Variants in TMEM163 observed in about 807,000 individuals in gnomAD.
TMEM163 encodes the protein transmembrane protein 163.
A neutral mutation model predicts 29.3 loss-of-function variants in TMEM163; 17 were observed. That is an observed-to-expected ratio of 0.58 (90% CI 0.40 to 0.87). The LOEUF is 0.87. TMEM163 is among the 40% of genes least tolerant of loss of function. The pLI, the probability that TMEM163 is intolerant of heterozygous loss-of-function variation, is 0.00. For missense variants in TMEM163, 303 were observed against 381.5 expected, an observed-to-expected ratio of 0.79 and a Z score of 1.71; for synonymous variants, 157 against 160.6, an observed-to-expected ratio of 0.98 and a Z score of 0.17.
chr2:134,703,464 G>GA (rs1278457574), intron 2 of TMEM163, among the ~76,000 whole-genome samples: 6 of 151,760 alleles, frequency 4.0e-5, no homozygotes, highest in Non-Finnish European at 7.4e-5. Flanking sequence ...ATGAAATCCA[G>GA]AAAAAAAATT....
intron 2 of TMEM163, among the ~76,000 whole-genome samples, chr2:134,649,878 G>A (rs952094675): frequency 1.3e-5 from 2 of 151,692 alleles, no homozygotes; most frequent in African/African-American, 4.8e-5. Flanking sequence ...TGGTAGCACA[G>A]GCCTGTAGTC....
At position 134,460,338 on chromosome 2, in the gene TMEM163, T is replaced by TGTCCTCA. The variant is rs1686507328; in HGVS notation, c.668-2172_668-2166dup. On this transcript the variant is annotated intron_variant, in intron 6 of 7. Transcript: ENST00000281924. The surrounding 1 kb of genome is among the most constrained non-coding windows in gnomAD (Gnocchi z 4.3). ...TCACCCAGGGCCTCCCTCCCAGCCCTGTCCTCAGCCCTCAGCCCCTAAACT... is the reference window on the plus strand; with the variant it reads ...TCACCCAGGGCCTCCCTCCCAGCCCTGTCCTCAGTCCTCAGCCCTCAGCCCCTAAACT... Among the ~76,000 whole-genome samples the TGTCCTCA allele has an allele frequency of 6.6e-6, 1 of 151,578 alleles. No individual in the cohort carries two copies. Among genetic ancestry groups the TGTCCTCA allele is most frequent in the African/African-American group, 2.4e-5 (1 of 41,252 alleles).
rs544507219 is a variant in TMEM163, at chr2:134,583,389, G to A, written c.323-31298C>T. On this transcript the variant is annotated intron_variant, in intron 2 of 7. Transcript: ENST00000281924. ...TTCGCATCATTATTACCTTCTGGGC[G>A]CTTTGTATTTGTCACTTACAGTGAT... 8.5e-5 allele frequency among the ~76,000 whole-genome samples: 13 copies of A among 152,288 alleles called. 1 individual carries two copies. In the South Asian group the frequency reaches 2.1e-3, roughly 24 times the overall value.
intron 2 of TMEM163, among the ~76,000 whole-genome samples, chr2:134,558,833 G>A (rs112884948): frequency 2.6e-4 from 39 of 152,220 alleles, no homozygotes; most frequent in East Asian, 9.6e-4. Flanking sequence ...CCCAGGCCCC[G>A]TAACACCTCC....
At chr2:134,691,348 G>C (rs140146207) in intron 2 of TMEM163, among the ~76,000 whole-genome samples, 1 of 152,144 alleles carries the variant, frequency 6.6e-6, no homozygotes, top group East Asian at 1.9e-4. Flanking sequence ...TCTGCCTAGC[G>C]TAGGCACCAA....
chr2:134,561,257 G>A (rs1335005754), intron 2 of TMEM163, among the ~76,000 whole-genome samples: 2 of 152,218 alleles, frequency 1.3e-5, no homozygotes, highest in East Asian at 1.9e-4. Context: ...AGGCTGGAGC[G>A]CAGTGACGCC....
chr2:134,545,492 C>G (rs1390413116), intron 4 of TMEM163, among the ~76,000 whole-genome samples: 1 of 152,150 alleles, frequency 6.6e-6, no homozygotes, highest in Non-Finnish European at 1.5e-5. Context: ...CTTCCTCCCT[C>G]AACACTGCCA....
chr2:134,713,946 C>A (rs1684983944), intron 1 of TMEM163, among the ~76,000 whole-genome samples: 1 of 152,140 alleles, frequency 6.6e-6, no homozygotes, highest in African/African-American at 2.4e-5. Context: ...TATACACATC[C>A]TTTTTAGCAA....
intron 5 of TMEM163, among the ~76,000 whole-genome samples, chr2:134,484,136 C>T (rs1679263505): frequency 6.6e-6 from 1 of 152,058 alleles, no homozygotes; most frequent in Non-Finnish European, 1.5e-5. Context: ...GTAAGAATCC[C>T]TCTCAAAAGA....
intron 2 of TMEM163, among the ~76,000 whole-genome samples, chr2:134,700,940 A>AC (rs1274773428): frequency 0.05 from 7,310 of 147,244 alleles, 419 homozygotes; most frequent in East Asian, 0.15. Context: ...ATAAATAAAT[A>AC]AATAAATAAA....
intron 4 of TMEM163, among the ~76,000 whole-genome samples, chr2:134,528,745 T>C (rs1680348219): frequency 7.0e-6 from 1 of 142,310 alleles, no homozygotes; most frequent in Non-Finnish European, 1.6e-5. Context: ...TTTAGTAATA[T>C]GTCTCACACT....
At chr2:134,650,014 AAAAAAAAAAAAG>A (rs1436957254) in intron 2 of TMEM163, among the ~76,000 whole-genome samples, 19 of 150,426 alleles carry the variant, frequency 1.3e-4, no homozygotes, top group Non-Finnish European at 3.0e-5. Flanking sequence ...TAAAAAAAAA[AAAAAAAAAAAAG>A]AATGATGTAG....
intron 2 of TMEM163, among the ~76,000 whole-genome samples, chr2:134,705,188 C>T (rs1040908796): frequency 3.3e-5 from 5 of 149,262 alleles, no homozygotes; most frequent in African/African-American, 9.9e-5. Context: ...CCAGCCTGGG[C>T]GACAGAGCAA....
At chr2:134,706,608 G>A (rs1684817777) in intron 2 of TMEM163, among the ~76,000 whole-genome samples, 1 of 152,176 alleles carries the variant, frequency 6.6e-6, no homozygotes, top group Non-Finnish European at 1.5e-5. Context: ...GATCTTGAGG[G>A]ATAAGTAAAA....
At chr2:134,560,875 C>T (rs977918713) in intron 2 of TMEM163, among the ~76,000 whole-genome samples, 1 of 152,166 alleles carries the variant, frequency 6.6e-6, no homozygotes, top group Admixed American at 6.5e-5. Flanking sequence ...GGATGCCTGC[C>T]ACTCAACAGG....
chr2:134,542,940 G>C (rs1030587156), intron 4 of TMEM163, among the ~76,000 whole-genome samples: 4 of 152,152 alleles, frequency 2.6e-5, no homozygotes, highest in African/African-American at 9.7e-5. Context: ...GTCTGATTGT[G>C]TCTCTGCTTT....
At chr2:134,473,940 T>C (rs1033840679) in intron 5 of TMEM163, among the ~76,000 whole-genome samples, 2 of 152,102 alleles carry the variant, frequency 1.3e-5, no homozygotes, top group Admixed American at 6.6e-5. Flanking sequence ...TTTAATCATT[T>C]AAAGGAGAAA....
At chr2:134,684,922 C>CAAAAAA (rs56956631) in intron 2 of TMEM163, among the ~76,000 whole-genome samples, 1 of 74,804 alleles carries the variant, frequency 1.3e-5, no homozygotes, top group African/African-American at 3.7e-5. Context: ...GACCCTGTCT[C>CAAAAAA]AAAAAAAAAA....
chr2:134,599,029 A>T (rs934241891), intron 2 of TMEM163, among the ~76,000 whole-genome samples: 17 of 151,410 alleles, frequency 1.1e-4, no homozygotes, highest in African/African-American at 4.1e-4. Flanking sequence ...AAAAAAAAAA[A>T]AAAAAAAGGA....
Sources: allele counts gnomAD v4.1 joint callset (sites outside exome capture counted in the v4.1 genomes callset), GRCh38; gene constraint gnomAD v4.1.1; non-coding constraint Gnocchi (gnomAD v3.1); transcripts MANE v1.5; gene names NCBI Gene and HGNC (gene_info 2026-07-23, HGNC 2026-07-21).